ANK1: variants seen among roughly 807,000 people sequenced by gnomAD.
ANK1 encodes ankyrin-1.
A neutral mutation model predicts 210.4 loss-of-function variants in ANK1; 51 were observed. The observed-to-expected ratio is 0.24, with a 90% CI of 0.19 to 0.31. The LOEUF is 0.31. Ranked by LOEUF, ANK1 falls within the 10% of genes least tolerant of loss-of-function variation. ANK1 has a pLI of 1.00. For synonymous variants in ANK1, 967 were observed against 1,025.9 expected (o/e 0.94, Z 1.10); for missense variants, 2,051 against 2,504.4 (o/e 0.82, Z 3.86).
intron 2 of ANK1, among the ~76,000 whole-genome samples, chr8:41,736,527 G>A (rs558457946): frequency 6.6e-6 from 1 of 152,340 alleles, no homozygotes; most frequent in Admixed American, 6.5e-5. Context: ...CATGGCTGGA[G>A]TGACAGCCCG....
intron 1 of ANK1, among the ~76,000 whole-genome samples, chr8:41,760,829 G>A (rs1036880798): frequency 4.6e-5 from 7 of 152,044 alleles, no homozygotes; most frequent in Non-Finnish European, 8.8e-5. Flanking sequence ...AGCGTGTGAC[G>A]CCATTCCCAC....
At chr8:41,828,454 T>TTACA (rs2150795465) in intron 1 of ANK1, 1 of 154,360 alleles carries the variant, frequency 6.5e-6, no homozygotes, top group African/African-American at 2.4e-5. Context: ...GGGCACTGAA[T>TTACA]TACAGATCCC....
At chr8:41,772,270 T>C (rs1340989745) in intron 1 of ANK1, among the ~76,000 whole-genome samples, 1 of 152,238 alleles carries the variant, frequency 6.6e-6, no homozygotes, top group Non-Finnish European at 1.5e-5. Context: ...GTGCAGCTTT[T>C]GATAAAGGAA....
chr8:41,756,366 G>C (rs771581155), intron 2 of ANK1, among the ~76,000 whole-genome samples: 2 of 151,476 alleles, frequency 1.3e-5, no homozygotes, highest in South Asian at 2.1e-4. Flanking sequence ...GGCTAGTCTC[G>C]AACTTCTGAC....
chr8:41,845,262 G>A (rs1436667101), intron 1 of ANK1, among the ~76,000 whole-genome samples: 1 of 151,962 alleles, frequency 6.6e-6, no homozygotes, highest in Admixed American at 6.6e-5. Context: ...GCGTGTGCCT[G>A]TAGACCCAGC....
chr8:41,887,100 G>T (rs1235130924), intron 1 of ANK1, among the ~76,000 whole-genome samples: 3 of 152,044 alleles, frequency 2.0e-5, no homozygotes, highest in Non-Finnish European at 4.4e-5. Flanking sequence ...ATACATTCCA[G>T]ATTTCATCTC....
intron 1 of ANK1, among the ~76,000 whole-genome samples, chr8:41,851,700 A>G (rs1490143312): frequency 6.6e-6 from 1 of 152,200 alleles, no homozygotes; most frequent in African/African-American, 2.4e-5. Context: ...AGAAATTTCA[A>G]AAAAACCATT....
At chr8:41,710,277 G>A (rs1179265939) in intron 16 of ANK1, among the ~76,000 whole-genome samples, 4 of 152,076 alleles carry the variant, frequency 2.6e-5, no homozygotes, top group African/African-American at 9.7e-5. Flanking sequence ...GGTCACTAGG[G>A]CAGGCATTTT....
intron 1 of ANK1, among the ~76,000 whole-genome samples, chr8:41,772,754 G>C (rs1485113374): frequency 6.6e-6 from 1 of 152,220 alleles, no homozygotes; most frequent in East Asian, 1.9e-4. Flanking sequence ...GCTGTGGCCA[G>C]CTGACCCGTT....
chr8:41,860,246 C>A (rs1271333793), intron 1 of ANK1, among the ~76,000 whole-genome samples: 1 of 152,166 alleles, frequency 6.6e-6, no homozygotes, highest in Non-Finnish European at 1.5e-5. Context: ...CGAGATTTAT[C>A]CCCCACGCTG....
At chr8:41,842,779 C>T (rs752154931) in intron 1 of ANK1, among the ~76,000 whole-genome samples, 35 of 152,190 alleles carry the variant, frequency 2.3e-4, no homozygotes, top group Non-Finnish European at 4.1e-4. Flanking sequence ...GCTGCTTTCA[C>T]TGAACTGTGT....
In ANK1 at chr8:41,715,856, C is replaced by A; in HGVS notation, c.1405-7G>T. 2 of 1,614,136 alleles carry A rather than the reference C, an allele frequency of 1.2e-6. No individual in the cohort carries two copies. Among genetic ancestry groups the A allele is most frequent in the Non-Finnish European group, 1.7e-6 (2 of 1,180,024 alleles). On this transcript the variant is annotated splice_polypyrimidine_tract_variant and splice_region_variant and intron_variant, in intron 13 of 42. Transcript: ENST00000289734. ...GAAGTGGGGTCTGGTCATCCTGGAC[C>A]CCGAAGGGAAAACAAAGAAGAAGAA... is the stretch of plus-strand genomic sequence containing the variant.
intron 15 of ANK1, among the ~76,000 whole-genome samples, chr8:41,714,678 A>G (rs550589113): frequency 6.6e-6 from 1 of 152,230 alleles, no homozygotes; most frequent in African/African-American, 2.4e-5. Flanking sequence ...TGGGCAACAT[A>G]GTGAGACCCT....
At chr8:41,723,488 G>A (rs769215734) in intron 8 of ANK1, 47 bp downstream of exon 8, 1 of 1,602,162 alleles carries the variant, frequency 6.2e-7, no homozygotes, top group Admixed American at 1.7e-5. Context: ...GCTTGTGAGG[G>A]GGGACCTCCC....
At chr8:41,703,546 C>G (rs1823658016) in intron 20 of ANK1, among the ~76,000 whole-genome samples, 1 of 149,042 alleles carries the variant, frequency 6.7e-6, no homozygotes, top group African/African-American at 2.5e-5. Context: ...TGCAGTGGCG[C>G]AATCACAGCT....
At chr8:41,752,889 C>T (rs1337429225) in intron 2 of ANK1, among the ~76,000 whole-genome samples, 1 of 151,966 alleles carries the variant, frequency 6.6e-6, no homozygotes, top group African/African-American at 2.4e-5. Flanking sequence ...CACGTCACTC[C>T]TGTGCTTGAA....
In ANK1 at chr8:41,717,027, C is replaced by A. The variant is rs1827865223; in HGVS notation, c.1330G>T (p.Ala444Ser). The A allele has an allele frequency of 6.2e-7, 1 of 1,614,118 alleles. No individual in the cohort carries two copies. The highest frequency in any genetic ancestry group is 8.5e-7 in the Non-Finnish European group (1 of 1,180,054). The change falls in exon 13 of 43, where the codon GCA (alanine) becomes TCA (serine). Residue 444 changes from alanine (A) to serine (S), a missense_variant. Physicochemically the swap from Ala to Ser is moderately conservative, Grantham distance 99. Around this residue, in one of 6 missense-constraint regions of ANK1, gnomAD observed 1,413 missense variants for 1,707.4 expected, o/e 0.83. Transcript: ENST00000289734. Reference protein sequence around the residue: ...NVKVETPLHMAARAGHTEVAK... With the variant: ...NVKVETPLHMSARAGHTEVAK... Reference sequence around the variant, plus strand: ...ACTTCCGTGTGCCCGGCTCTGGCTGCCATGTGTAGCGGGGTCTCCACTTTC... The same window carrying A: ...ACTTCCGTGTGCCCGGCTCTGGCTGACATGTGTAGCGGGGTCTCCACTTTC...
At chr8:41,890,809 TA>T (rs1194352475) in intron 1 of ANK1, among the ~76,000 whole-genome samples, 1 of 151,258 alleles carries the variant, frequency 6.6e-6, no homozygotes, top group Admixed American at 6.6e-5. Context: ...GGGGAAACAA[TA>T]GATTTACTTG....
At chr8:41,890,708 C>CAAAAAAA (rs557921949) in intron 1 of ANK1, among the ~76,000 whole-genome samples, 19 of 61,018 alleles carry the variant, frequency 3.1e-4, no homozygotes, top group South Asian at 5.0e-4. Flanking sequence ...GACTCCGTCT[C>CAAAAAAA]AAAAAAAAAA....
Sources: gnomAD v4.1 joint callset for allele counts (sites outside exome capture counted in the v4.1 genomes callset) on GRCh38, gnomAD v4.1.1 for gene constraint, gnomAD v4.1.1 regional missense constraint, MANE v1.5 for transcripts, NCBI Gene and HGNC (gene_info 2026-07-23, HGNC 2026-07-21) for gene names.